Variants in DDX31 observed in about 807,000 individuals in gnomAD.
The protein encoded by DDX31 is ATP-dependent DNA helicase DDX31.
DDX31 carries 70 observed loss-of-function variants against 91.3 expected under a neutral mutation model. The observed-to-expected ratio is 0.77, with a 90% CI of 0.63 to 0.94. The LOEUF is 0.94. Ranked by LOEUF, DDX31 falls within the 40% of genes least tolerant of loss-of-function variation. The pLI, the probability that DDX31 is intolerant of heterozygous loss-of-function variation, is 0.00. For synonymous variants in DDX31, 362 were observed against 350.6 expected, an observed-to-expected ratio of 1.03 and a Z score of -0.36; for missense variants, 902 against 925.0, an observed-to-expected ratio of 0.98 and a Z score of 0.32.
chr9:132,661,679 A>C (rs1834958266), intron 3 of DDX31, among the ~76,000 whole-genome samples: 1 of 152,240 alleles, frequency 6.6e-6, no homozygotes, highest in African/African-American at 2.4e-5. Context: ...GCTGTAACCG[A>C]AAGTGCAGAG....
chr9:132,638,597 C>T (rs1041180460), intron 14 of DDX31, among the ~76,000 whole-genome samples: 10 of 152,166 alleles, frequency 6.6e-5, no homozygotes, highest in African/African-American at 2.4e-4. Flanking sequence ...TTTCTTTTGC[C>T]CCCAGCTATG....
chr9:132,614,199 T>C (rs973789391), intron 18 of DDX31, among the ~76,000 whole-genome samples: 2 of 152,166 alleles, frequency 1.3e-5, no homozygotes, highest in Non-Finnish European at 1.5e-5. Flanking sequence ...CCATCAAAGC[T>C]CTATTTACTG....
At position 132,662,443 on chromosome 9, in the gene DDX31, G is replaced by C. The variant is rs1415656472; in HGVS notation, c.328C>G (p.His110Asp). Residue 110 changes from histidine to aspartate, a missense_variant, in exon 2 of 20, where the codon CAC becomes GAC. Transcript: ENST00000372159. The part of the protein sequence containing the change: ...FKNNPDIPEL[H>D]RPVVKQVQEK... ...GGCATCCGCCCCTGGACATACCTGT[G>C]GAGTTCTGGAATGTCAGGGTTGTTT... The C allele has an allele frequency of 1.2e-6, 2 of 1,614,176 alleles. No individual in the cohort carries two copies. Among genetic ancestry groups the C allele is most frequent in the South Asian group, 2.2e-5 (2 of 91,076 alleles).
intron 14 of DDX31, among the ~76,000 whole-genome samples, chr9:132,639,150 T>C (rs1337423711): frequency 2.6e-5 from 4 of 151,774 alleles, no homozygotes; most frequent in Non-Finnish European, 5.9e-5. Flanking sequence ...CCAGGCATGA[T>C]CTATTACAGC....
chr9:132,654,936 ACT>A (rs1348992872), intron 6 of DDX31, among the ~76,000 whole-genome samples: 1 of 126,260 alleles, frequency 7.9e-6, no homozygotes, highest in East Asian at 2.4e-4. Flanking sequence ...ACAGAGCGAG[ACT>A]CTGTCTCAAA....
intron 12 of DDX31, 111 bp from the exon 13 acceptor site, chr9:132,646,182 GT>G (rs1833828301): frequency 8.9e-7 from 1 of 1,129,532 alleles, no homozygotes; most frequent in Non-Finnish European, 1.2e-6. Flanking sequence ...GGAAATAAAG[GT>G]GACTATCTTT....
intron 17 of DDX31, among the ~76,000 whole-genome samples, chr9:132,619,371 C>T (rs1487232716): frequency 1.3e-5 from 2 of 152,170 alleles, no homozygotes; most frequent in Non-Finnish European, 2.9e-5. Flanking sequence ...GCCTCTACTT[C>T]CACCTGCCAC....
chr9:132,622,123 A>T (rs555252586), intron 17 of DDX31, among the ~76,000 whole-genome samples: 1 of 152,184 alleles, frequency 6.6e-6, no homozygotes, highest in East Asian at 1.9e-4. Context: ...GAGGTCTGGA[A>T]CTCTACAGGG....
chr9:132,668,902 G>T (rs968429466), intron 1 of DDX31, among the ~76,000 whole-genome samples: 2 of 152,196 alleles, frequency 1.3e-5, no homozygotes, highest in Non-Finnish European at 2.9e-5. Context: ...AGAGGCATGA[G>T]ACATCAAATA....
intron 14 of DDX31, among the ~76,000 whole-genome samples, chr9:132,640,368 G>A (rs189403965): frequency 6.6e-6 from 1 of 152,328 alleles, no homozygotes; most frequent in Non-Finnish European, 1.5e-5. Context: ...ATACATTCCA[G>A]GACTGAAAGA....
At chr9:132,638,517 G>T (rs1459648081) in intron 14 of DDX31, among the ~76,000 whole-genome samples, 1 of 152,058 alleles carries the variant, frequency 6.6e-6, no homozygotes, top group Non-Finnish European at 1.5e-5. Flanking sequence ...CTTTTTCTTA[G>T]ATCTAGTTTT....
At chr9:132,632,695 G>C (rs1345081765) in intron 14 of DDX31, among the ~76,000 whole-genome samples, 1 of 152,082 alleles carries the variant, frequency 6.6e-6, no homozygotes, top group African/African-American at 2.4e-5. Flanking sequence ...TGGCCTCAGA[G>C]AGCAGCAAGG....
In DDX31 at chr9:132,594,376, GATAAAT is replaced by G. The variant is rs1420354607; in HGVS notation, c.*484_*489del. ...TTCCTACATTAAGAAAATAATTAGT[GATAAAT>G]ATATTCTCTTTTTGTACAAATTCAA... On this transcript the variant is annotated 3_prime_UTR_variant, in exon 20 of 20. Transcript: ENST00000372159. 1 of 154,290 alleles carries G rather than the reference GATAAAT, an allele frequency of 6.5e-6. No homozygotes were observed. Among genetic ancestry groups the G allele is most frequent in the Non-Finnish European group, 1.4e-5 (1 of 69,398 alleles). The allele number at this position is 154,290 out of a possible 1,614,324, so 9.6% of individuals were successfully genotyped here. A position where few individuals can be genotyped will look rare whatever the true frequency, so the allele number is the denominator to read the frequency against.
At chr9:132,649,949 C>G (rs1834076155) in intron 9 of DDX31, among the ~76,000 whole-genome samples, 1 of 152,184 alleles carries the variant, frequency 6.6e-6, no homozygotes, top group Non-Finnish European at 1.5e-5. Flanking sequence ...TGGATGTATA[C>G]TAAACCAGGG....
Position 132,662,350 on chromosome 9 carries a change from A to G in DDX31, c.333-14T>C. 1 of 1,614,208 alleles carries G rather than the reference A, an allele frequency of 6.2e-7. No individual in the cohort carries two copies. The highest frequency in any genetic ancestry group is 8.5e-7 in the Non-Finnish European group (1 of 1,180,028). On this transcript the variant is annotated splice_polypyrimidine_tract_variant and intron_variant, in intron 2 of 19. Transcript: ENST00000372159. ...TTTACCACAGGTCTGCAAATGATGA[A>G]CAAGAACCCAGGCATCAGTGCCAAT...
intron 19 of DDX31, among the ~76,000 whole-genome samples, chr9:132,602,420 T>C (rs111500288): frequency 1.3e-5 from 2 of 152,126 alleles, no homozygotes; most frequent in African/African-American, 4.8e-5. Context: ...CACTCTGAGA[T>C]CAGCACTGAG....
At chr9:132,621,053 T>C (rs1340396026) in intron 17 of DDX31, among the ~76,000 whole-genome samples, 3 of 152,200 alleles carry the variant, frequency 2.0e-5, no homozygotes. Flanking sequence ...CAACGGCTCC[T>C]TTGTTGGGAT....
At chr9:132,659,352 A>C (rs1834786737) in intron 5 of DDX31, among the ~76,000 whole-genome samples, 2 of 152,224 alleles carry the variant, frequency 1.3e-5, no homozygotes, top group Non-Finnish European at 2.9e-5. Context: ...GCATCTGATC[A>C]GTGTACGCTC....
chr9:132,662,206 G>A, intron 3 of DDX31, 55 bp downstream of exon 3: 7 of 1,582,850 alleles, frequency 4.4e-6, no homozygotes, highest in Non-Finnish European at 6.1e-6. Flanking sequence ...CAGACCTTCT[G>A]AACGGACAAA....
Sources: allele counts gnomAD v4.1 joint callset (sites outside exome capture counted in the v4.1 genomes callset), GRCh38; gene constraint gnomAD v4.1.1; transcripts MANE v1.5; gene names NCBI Gene and HGNC (gene_info 2026-07-23, HGNC 2026-07-21).